PI4K2A: variants seen among roughly 807,000 people sequenced by gnomAD.
PI4K2A encodes the protein phosphatidylinositol 4-kinase type 2 alpha.
A neutral mutation model predicts 55.0 loss-of-function variants in PI4K2A; 20 were observed. The observed-to-expected ratio is 0.36, with a 90% confidence interval of 0.26 to 0.53. The LOEUF (loss-of-function observed/expected upper bound fraction) is 0.53. Among genes scored for constraint, PI4K2A ranks in the 20% least tolerant of loss-of-function variants. PI4K2A has a pLI of 0.91. For missense variants in PI4K2A, 463 were observed against 637.1 expected (o/e 0.73, Z 2.94); for synonymous variants, 235 against 258.5 (o/e 0.91, Z 0.87).
chr10:97,641,057 G>T (rs1157330912), exon 1 of PI4K2A: 2 of 1,605,388 alleles, frequency 1.2e-6, no homozygotes, highest in African/African-American at 2.7e-5. Flanking sequence ...ACGAGTTCCC[G>T]GAGGATCCTG....
chr10:97,656,373 C>T lies in PI4K2A; in HGVS notation c.725C>T (p.Pro242Leu). Reference sequence around the variant, plus strand: ...AAGCGGCTTGCACTAGAGAAAGTGCCAAAAGTTGGACAGCGGTTTAACCGC... The same window carrying T: ...AAGCGGCTTGCACTAGAGAAAGTGCTAAAAGTTGGACAGCGGTTTAACCGC... Residue 242 changes from proline to leucine, a missense_variant, in exon 3 of 9, where the codon CCA (proline) becomes CTA (leucine). Coordinates refer to ENST00000370631, the Ensembl canonical transcript of PI4K2A. This position sits in a 1 kb window ranked among gnomAD's most constrained non-coding sequence, Gnocchi z 4.5. 6.2e-7 allele frequency: 1 copy of T among 1,613,988 alleles called. No individual in the cohort carries two copies. The highest frequency in any genetic ancestry group is 8.5e-7 in the Non-Finnish European group (1 of 1,179,934).
At chr10:97,660,714 A>G (rs932205675) in intron 4 of PI4K2A, among the ~76,000 whole-genome samples, 40 of 149,882 alleles carry the variant, frequency 2.7e-4, no homozygotes, top group Admixed American at 1.7e-3. Context: ...AATTTTTTTT[A>G]TCCTCTCAGT....
intron 8 of PI4K2A, among the ~76,000 whole-genome samples, chr10:97,669,865 A>G (rs1197481493): frequency 6.6e-6 from 1 of 152,160 alleles, no homozygotes; most frequent in Non-Finnish European, 1.5e-5. Flanking sequence ...CCGGGAGTTA[A>G]AGAATCTAGG....
In PI4K2A at chr10:97,659,191, G is replaced by A. The variant is rs573349588; in HGVS notation, c.922+2217G>A. 1.9e-4 allele frequency among the ~76,000 whole-genome samples: 28 copies of A among 151,342 alleles called. 1 individual carries two copies. The highest frequency in any genetic ancestry group is 6.8e-3 in the Middle Eastern group (2 of 294). ...CTGGGACTACAGGTGTGAGGACCAC[G>A]CCTGGCTAGTTTTTAAATTCTTTGT... On this transcript the variant is annotated intron_variant, in intron 4 of 8. Coordinates refer to ENST00000370631, the Ensembl canonical transcript of PI4K2A.
Position 97,642,377 on chromosome 10 carries a change from GTCTT to G in PI4K2A, c.435+1203_435+1206del, listed in dbSNP as rs143186275. Among the ~76,000 whole-genome samples the G allele has an allele frequency of 4.9e-3, 743 of 151,286 alleles. 1 individual carries two copies. The highest frequency in any genetic ancestry group is 0.017 in the Middle Eastern group (5 of 292). ...TTGGGGAAAGCTTTGCGAGTAATAA[GTCTT>G]TCGAAGTTTCTTTTTCTTTTTTTTT... On this transcript the variant is annotated intron_variant, in intron 1 of 8. Transcript: ENST00000370631.
At chr10:97,676,412 A>G (rs2041664932) in exon 9 of PI4K2A, 1 of 152,208 alleles carries the variant, frequency 6.6e-6, no homozygotes, top group Non-Finnish European at 1.5e-5. Context: ...AAGAGCCAAA[A>G]ATAAAAAATC....
At chr10:97,641,025 G>A in exon 1 of PI4K2A, 1 of 1,582,074 alleles carries the variant, frequency 6.3e-7, no homozygotes, top group Non-Finnish European at 8.5e-7. Flanking sequence ...AGCCCACGCC[G>A]CTCAGGCCCA....
chr10:97,663,297 C>CTACCCCT (rs1444376609), intron 5 of PI4K2A, among the ~76,000 whole-genome samples: 1 of 152,126 alleles, frequency 6.6e-6, no homozygotes. Context: ...AATTTGATTT[C>CTACCCCT]TACCCCTTTT....
chr10:97,665,532 C>T (rs1229897408), intron 6 of PI4K2A, among the ~76,000 whole-genome samples: 3 of 152,154 alleles, frequency 2.0e-5, no homozygotes, highest in Admixed American at 1.3e-4. Context: ...CCTCAGCCTC[C>T]CAAAATGCTG....
At chr10:97,665,496 A>C (rs1177450202) in intron 6 of PI4K2A, among the ~76,000 whole-genome samples, 1 of 150,422 alleles carries the variant, frequency 6.6e-6, no homozygotes, top group Non-Finnish European at 1.5e-5. Context: ...CTGTTCTTGA[A>C]CTCCTGACTT....
At chr10:97,661,830 G>T (rs1256863969) in intron 4 of PI4K2A, among the ~76,000 whole-genome samples, 1 of 150,810 alleles carries the variant, frequency 6.6e-6, no homozygotes, top group Non-Finnish European at 1.5e-5. Flanking sequence ...GAGTTTAAAG[G>T]CTTGATCAAA....
chr10:97,640,828 CG>C lies in PI4K2A; in HGVS notation c.87del (p.Gln30ArgfsTer184). The C allele has an allele frequency of 7.0e-7, 1 of 1,432,978 alleles. No individual in the cohort carries two copies. The highest frequency in any genetic ancestry group is 9.2e-7 in the Non-Finnish European group (1 of 1,089,798). The allele number at this position is 1,432,978 out of a possible 1,614,324, so 88.8% of individuals were successfully genotyped here. On this transcript the variant is annotated frameshift_variant, in exon 1 of 9. Transcript: ENST00000370631. LOFTEE classifies it high-confidence loss of function. The stretch of plus-strand genomic sequence containing the variant: ...CCGTCGGGCTCGGGCGCTCACTTTC[CG>C]CAGGTGCCCGGGGGCGCGGTCCGAG...
rs531043687 is a variant in PI4K2A, at chr10:97,656,714, C to T, written c.769-107C>T. ...GTAAAGATCTTGAAAAGTTTTCCTTCTCTGATACAAACTCCATAGGGCCTT... is the reference window on the plus strand; with the variant it reads ...GTAAAGATCTTGAAAAGTTTTCCTTTTCTGATACAAACTCCATAGGGCCTT... On this transcript the variant is annotated intron_variant, in intron 3 of 8. Coordinates refer to ENST00000370631, the Ensembl canonical transcript of PI4K2A. This position sits in a 1 kb window ranked among gnomAD's most constrained non-coding sequence, Gnocchi z 4.5. 7.9e-6 allele frequency: 8 copies of T among 1,018,904 alleles called. No homozygotes were observed. Among genetic ancestry groups the T allele is most frequent in the Admixed American group, 6.6e-5 (3 of 45,178 alleles). The allele number at this position is 1,018,904 out of a possible 1,614,324, so 63.1% of individuals were successfully genotyped here.
Position 97,653,794 on chromosome 10 carries a change from G to A in PI4K2A, c.637-2491G>A, listed in dbSNP as rs142595119. 3.9e-3 allele frequency among the ~76,000 whole-genome samples: 599 copies of A among 152,304 alleles called. 6 individuals are homozygous for A. Among genetic ancestry groups the A allele is most frequent in the African/African-American group, 0.014 (580 of 41,580 alleles). On this transcript the variant is annotated intron_variant, in intron 2 of 8. Coordinates refer to ENST00000370631, the Ensembl canonical transcript of PI4K2A. The stretch of plus-strand genomic sequence containing the variant: ...TAGCTGAGCATGGTGGTGCGTGCCT[G>A]TAATCCCAGCTACTTGGGAGGCTGA...
At chr10:97,662,525 C>T (rs4917780) in intron 4 of PI4K2A, among the ~76,000 whole-genome samples, 4,400 of 152,234 alleles carry the variant, frequency 0.029, 181 homozygotes, top group East Asian at 0.15. Flanking sequence ...AGATGATATA[C>T]GAGGGTCCCT....
chr10:97,666,168 G>A (rs1294692982), intron 6 of PI4K2A, among the ~76,000 whole-genome samples: 1 of 152,116 alleles, frequency 6.6e-6, no homozygotes, highest in Non-Finnish European at 1.5e-5. Flanking sequence ...GCGTCTCAGT[G>A]GCAAGTAGTT....
At chr10:97,672,593 C>A (rs1007854077) in intron 8 of PI4K2A, among the ~76,000 whole-genome samples, 14 of 151,992 alleles carry the variant, frequency 9.2e-5, no homozygotes, top group Admixed American at 8.5e-4. Flanking sequence ...TGTTTCTTAT[C>A]CCTTCAAGTA....
intron 2 of PI4K2A, among the ~76,000 whole-genome samples, chr10:97,655,990 T>C (rs182354992): frequency 2.2e-4 from 33 of 152,344 alleles, no homozygotes; most frequent in Middle Eastern, 3.4e-3. Flanking sequence ...GTGGCTCTGC[T>C]ATTTCCCAGC....
At chr10:97,651,856 A>G (rs1413781285) in intron 2 of PI4K2A, among the ~76,000 whole-genome samples, 1 of 151,496 alleles carries the variant, frequency 6.6e-6, no homozygotes, top group African/African-American at 2.4e-5. Flanking sequence ...CCCCTGCACT[A>G]CAAGGTATTC....
Sources: gnomAD v4.1 joint callset for allele counts (sites outside exome capture counted in the v4.1 genomes callset) on GRCh38, gnomAD v4.1.1 for gene constraint, Gnocchi (gnomAD v3.1) non-coding constraint, MANE v1.5 for transcripts, NCBI Gene and HGNC (gene_info 2026-07-23, HGNC 2026-07-21) for gene names.